The following PTPRD variants were observed in gnomAD, a reference collection of about 807,000 sequenced individuals.
The protein encoded by PTPRD is receptor-type tyrosine-protein phosphatase delta.
In PTPRD, 34 loss-of-function variants were observed where a neutral mutation model predicts 214.5. The ratio of observed to expected loss-of-function variants is 0.16; its 90% CI spans 0.12 to 0.21. The LOEUF is 0.21. Among genes scored for constraint, PTPRD ranks in the 10% least tolerant of loss-of-function variants. PTPRD has a pLI of 1.00. For synonymous variants in PTPRD, 1,128 were observed against 845.7 expected (o/e 1.33, Z -5.79); for missense variants, 2,545 against 2,398.7 (o/e 1.06, Z -1.27).
rs548446254 is a variant in PTPRD, at chr9:9,459,325, T to G, written c.-236-61843A>C. On this transcript the variant is annotated intron_variant, in intron 8 of 45. Coordinates refer to ENST00000381196, the MANE Select transcript of PTPRD (RefSeq NM_002839.4). ...GAATGTACACTTTTACCACTCCTATTTAAAATAGTAGTGGAAATACTGGCC... is the reference window on the plus strand; with the variant it reads ...GAATGTACACTTTTACCACTCCTATGTAAAATAGTAGTGGAAATACTGGCC... Among the ~76,000 whole-genome samples, 4 of 152,202 alleles carry G rather than the reference T, an allele frequency of 2.6e-5. No homozygotes were observed. In the South Asian group the frequency reaches 6.2e-4, roughly 24 times the overall value.
intron 9 of PTPRD, among the ~76,000 whole-genome samples, chr9:9,265,253 T>A (rs1938756165): frequency 6.6e-6 from 1 of 151,620 alleles, no homozygotes; most frequent in African/African-American, 2.4e-5. Context: ...TGCAATTTAT[T>A]GACTTGTGTT....
chr9:8,494,144 A>G (rs2097208582), intron 26 of PTPRD, among the ~76,000 whole-genome samples: 1 of 152,174 alleles, frequency 6.6e-6, no homozygotes. Context: ...AAATCTAAAG[A>G]CAATGTGAGT....
chr9:10,255,762 T>A (rs1360715428), intron 3 of PTPRD, among the ~76,000 whole-genome samples: 3 of 152,222 alleles, frequency 2.0e-5, no homozygotes, highest in African/African-American at 7.2e-5. Context: ...CAAAAATTTC[T>A]TTTTAAATAT....
intron 5 of PTPRD, among the ~76,000 whole-genome samples, chr9:9,827,134 T>G (rs2053173997): frequency 6.6e-6 from 1 of 152,104 alleles, no homozygotes; most frequent in African/African-American, 2.4e-5. Context: ...AATGACTTTC[T>G]TCACAGAATT....
At chr9:8,744,478 T>G (rs1270125953) in intron 11 of PTPRD, among the ~76,000 whole-genome samples, 2 of 152,140 alleles carry the variant, frequency 1.3e-5, no homozygotes, top group Non-Finnish European at 2.9e-5. Flanking sequence ...TAAAAAGGAA[T>G]GAAATAATGG....
At chr9:8,743,791 AAATAAC>A (rs1221914084) in intron 11 of PTPRD, among the ~76,000 whole-genome samples, 1 of 99,394 alleles carries the variant, frequency 1.0e-5, no homozygotes, top group East Asian at 2.5e-4. Flanking sequence ...GCACAGCAAA[AAATAAC>A]AATAATAATA....
At chr9:9,147,131 T>G (rs1048664662) in intron 10 of PTPRD, among the ~76,000 whole-genome samples, 1 of 152,096 alleles carries the variant, frequency 6.6e-6, no homozygotes, top group African/African-American at 2.4e-5. Flanking sequence ...TTTATATGAT[T>G]TGATCATATA....
rs12552049 is a variant in PTPRD, at chr9:8,676,318, T to C, written c.65-39474A>G. Among the ~76,000 whole-genome samples the C allele has an allele frequency of 3.4e-3, 518 of 151,986 alleles. 16 individuals carry two copies. The highest frequency in any genetic ancestry group is 0.03 in the Admixed American group (465 of 15,260). On this transcript the variant is annotated intron_variant, in intron 12 of 45. Coordinates refer to ENST00000381196, the MANE Select transcript of PTPRD (RefSeq NM_002839.4). ...ACCTTAAGGAGCTTACCCTCCATTA[T>C]AGTAGCTTTCTCATCTATCACACCC...
chr9:9,416,929 A>ACTTT (rs2077162970), intron 8 of PTPRD, among the ~76,000 whole-genome samples: 1 of 152,134 alleles, frequency 6.6e-6, no homozygotes, highest in Non-Finnish European at 1.5e-5. Context: ...CAATACAAGT[A>ACTTT]CTTTCACAAT....
intron 11 of PTPRD, among the ~76,000 whole-genome samples, chr9:8,969,519 G>A (rs1490614988): frequency 6.6e-6 from 1 of 151,974 alleles, no homozygotes; most frequent in Non-Finnish European, 1.5e-5. Flanking sequence ...TCAGATCAAA[G>A]CAAAGGTAAC....
At chr9:9,531,426 G>C (rs1032695978) in intron 8 of PTPRD, among the ~76,000 whole-genome samples, 11 of 152,112 alleles carry the variant, frequency 7.2e-5, no homozygotes, top group African/African-American at 2.7e-4. Flanking sequence ...GTTTGAATGT[G>C]AGACACAAGA....
At chr9:10,135,421 T>A (rs2098935197) in intron 3 of PTPRD, among the ~76,000 whole-genome samples, 2 of 151,954 alleles carry the variant, frequency 1.3e-5, no homozygotes, top group South Asian at 4.1e-4. Flanking sequence ...CCAAGATACA[T>A]AGTCATCGGA....
intron 37 of PTPRD, among the ~76,000 whole-genome samples, chr9:8,381,842 C>T (rs2085190663): frequency 6.6e-6 from 1 of 152,148 alleles, no homozygotes; most frequent in Non-Finnish European, 1.5e-5. Flanking sequence ...AATGACTTCC[C>T]CCATTAAACT....
chr9:9,131,997 T>TTTTG (rs764403016), intron 10 of PTPRD, among the ~76,000 whole-genome samples: 37 of 151,856 alleles, frequency 2.4e-4, no homozygotes, highest in South Asian at 6.2e-4. Flanking sequence ...GCCACTAGTT[T>TTTTG]TTTGTTTGTT....
At chr9:10,384,179 T>C (rs534994345) in intron 2 of PTPRD, among the ~76,000 whole-genome samples, 6 of 151,708 alleles carry the variant, frequency 4.0e-5, no homozygotes, top group African/African-American at 9.7e-5. Flanking sequence ...AAGAGTATAA[T>C]TGGATTGTTT....
At chr9:8,741,753 G>C (rs1304913243) in intron 11 of PTPRD, among the ~76,000 whole-genome samples, 1 of 151,566 alleles carries the variant, frequency 6.6e-6, no homozygotes, top group Non-Finnish European at 1.5e-5. Context: ...ACCATGCCAA[G>C]CTAATTGTTG....
intron 10 of PTPRD, among the ~76,000 whole-genome samples, chr9:9,074,027 C>T (rs894326177): frequency 3.9e-5 from 6 of 151,954 alleles, no homozygotes; most frequent in Non-Finnish European, 8.8e-5. Flanking sequence ...TAGCATAGTG[C>T]CTGACACACC....
chr9:9,679,728 G>A (rs1410931672), intron 7 of PTPRD, among the ~76,000 whole-genome samples: 1 of 151,856 alleles, frequency 6.6e-6, no homozygotes, highest in Non-Finnish European at 1.5e-5. Context: ...AAAGATGTAA[G>A]AAAGGAAAAT....
At chr9:9,280,243 G>C (rs1947189490) in intron 9 of PTPRD, among the ~76,000 whole-genome samples, 1 of 151,230 alleles carries the variant, frequency 6.6e-6, no homozygotes, top group African/African-American at 2.4e-5. Context: ...TACTAAGACG[G>C]AGTGACTTGT....
Sources: gnomAD v4.1 joint callset for allele counts (sites outside exome capture counted in the v4.1 genomes callset) on GRCh38, gnomAD v4.1.1 for gene constraint, MANE v1.5 for transcripts, NCBI Gene and HGNC (gene_info 2026-07-23, HGNC 2026-07-21) for gene names.